The following RBMS3 variants were observed in gnomAD, a reference collection of about 807,000 sequenced individuals.
RBMS3 encodes RNA binding motif single stranded interacting protein 3.
A neutral mutation model predicts 66.8 loss-of-function variants in RBMS3; 27 were observed. The observed-to-expected ratio is 0.40, with a 90% CI of 0.30 to 0.56. RBMS3 has a LOEUF of 0.56. RBMS3 is among the 20% of genes least tolerant of loss of function. The probability of loss-of-function intolerance (pLI) is 0.40; values close to 1 mark genes in which losing one functional copy is unlikely to be tolerated. For missense variants in RBMS3, 513 were observed against 549.5 expected, an observed-to-expected ratio of 0.93 and a Z score of 0.66; for synonymous variants, 188 against 183.0, an observed-to-expected ratio of 1.03 and a Z score of -0.22.
In RBMS3 at chr3:29,847,826, TC is replaced by T. The variant is rs373229024; in HGVS notation, c.638-21031del. 2.7e-3 allele frequency among the ~76,000 whole-genome samples: 417 copies of T among 152,148 alleles called. 1 individual carries two copies. Among genetic ancestry groups the T allele is most frequent in the African/African-American group, 9.6e-3 (399 of 41,514 alleles). ...GCTCGCCGTCACGCCCGGCTAATTT[TC>T]TTGTGTTTTTAGTAGAGACGGGGTG... is the stretch of plus-strand genomic sequence containing the variant. On this transcript the variant is annotated intron_variant, in intron 6 of 14. Transcript: ENST00000383767.
Position 29,868,924 on chromosome 3 carries a change from A to G in RBMS3, c.704A>G (p.Lys235Arg). 6.2e-7 allele frequency: 1 copy of G among 1,603,784 alleles called. No homozygotes were observed. Among genetic ancestry groups the G allele is most frequent in the Admixed American group, 1.7e-5 (1 of 58,876 alleles). Residue 235 changes from lysine to arginine, a missense_variant, in exon 7 of 15, where the codon AAA becomes AGA. Physicochemically the swap from Lys to Arg is conservative, Grantham distance 26. Coordinates refer to ENST00000383767, the MANE Select transcript of RBMS3 (RefSeq NM_001003793.3). ...GGQKKRQNQS[K>R]YTQNGRPWPR... ...CAAAAGAAGCGACAGAATCAAAGCA[A>G]ATATACCCAGAATGGGAGGCCTTGG...
At chr3:29,433,362 G>A (rs530247905) in intron 1 of RBMS3, among the ~76,000 whole-genome samples, 6 of 152,244 alleles carry the variant, frequency 3.9e-5, no homozygotes, top group African/African-American at 1.2e-4. Flanking sequence ...GAATCTTGAT[G>A]AATGTGCTTA....
intron 3 of RBMS3, among the ~76,000 whole-genome samples, chr3:29,502,450 A>G (rs530746496): frequency 6.6e-6 from 1 of 152,172 alleles, no homozygotes; most frequent in African/African-American, 2.4e-5. Context: ...TGACAATTAG[A>G]CACAAGCACA....
chr3:29,994,960 A>T (rs150175959), intron 14 of RBMS3, among the ~76,000 whole-genome samples: 28 of 151,946 alleles, frequency 1.8e-4, no homozygotes, highest in Admixed American at 1.6e-3. Flanking sequence ...AGGCTTCAGA[A>T]GATCAAATTA....
chr3:29,772,915 G>C (rs959802121), intron 6 of RBMS3, among the ~76,000 whole-genome samples: 1 of 151,942 alleles, frequency 6.6e-6, no homozygotes, highest in African/African-American at 2.4e-5. Flanking sequence ...AAGAAGCTTT[G>C]GGAAGTCCTT....
chr3:29,897,797 G>A (rs950698104), intron 9 of RBMS3, among the ~76,000 whole-genome samples: 2 of 151,540 alleles, frequency 1.3e-5, no homozygotes, highest in Non-Finnish European at 3.0e-5. Context: ...GTTTGTTCAT[G>A]TTCCCTATTG....
chr3:29,719,924 C>A (rs1195513167), intron 4 of RBMS3, among the ~76,000 whole-genome samples: 1 of 145,818 alleles, frequency 6.9e-6, no homozygotes, highest in Non-Finnish European at 1.5e-5. Context: ...CATTTTCTTA[C>A]AGATACATTT....
At chr3:29,324,787 T>A (rs2035222335) in intron 1 of RBMS3, among the ~76,000 whole-genome samples, 1 of 152,134 alleles carries the variant, frequency 6.6e-6, no homozygotes, top group Non-Finnish European at 1.5e-5. Context: ...TCTTTCTCTT[T>A]GCTTACCTAG....
intron 4 of RBMS3, among the ~76,000 whole-genome samples, chr3:29,725,862 G>A (rs987971855): frequency 6.6e-6 from 1 of 152,112 alleles, no homozygotes. Context: ...CACCCTATGA[G>A]GCCAGCATCA....
intron 4 of RBMS3, chr3:29,730,840 A>C: frequency 1.0e-6 from 1 of 972,540 alleles, no homozygotes; most frequent in Non-Finnish European, 1.2e-6. Context: ...AAATAAAACT[A>C]TAGAGAGATC....
At chr3:29,994,923 G>A (rs1320613683) in intron 14 of RBMS3, among the ~76,000 whole-genome samples, 1 of 152,240 alleles carries the variant, frequency 6.6e-6, no homozygotes, top group South Asian at 2.1e-4. Context: ...GCTGGATGGA[G>A]AATGACTTTG....
chr3:29,684,760 A>C (rs2051640362), intron 4 of RBMS3, among the ~76,000 whole-genome samples: 1 of 149,288 alleles, frequency 6.7e-6, no homozygotes, highest in Non-Finnish European at 1.5e-5. Context: ...CAAACAGGTA[A>C]AATGTAAGGT....
At chr3:29,687,037 T>A (rs2051762976) in intron 4 of RBMS3, among the ~76,000 whole-genome samples, 1 of 152,218 alleles carries the variant, frequency 6.6e-6, no homozygotes, top group Admixed American at 6.5e-5. Context: ...TTCAGACTAG[T>A]ACTAGGAAAG....
intron 6 of RBMS3, among the ~76,000 whole-genome samples, chr3:29,781,990 C>T (rs2056647764): frequency 6.6e-6 from 1 of 150,914 alleles, no homozygotes; most frequent in South Asian, 2.1e-4. Context: ...TAGTCTCACC[C>T]AAGGAAAGAC....
chr3:29,725,021 TG>T lies in RBMS3; in HGVS notation c.400-14698del, dbSNP rs1250727176. ...GTGAGTGAATGATCAAGAGCAAATATGAAAAAATAAGTGGATGATCCATTTA... is the reference window on the plus strand; with the variant it reads ...GTGAGTGAATGATCAAGAGCAAATATAAAAAATAAGTGGATGATCCATTTA... On this transcript the variant is annotated intron_variant, in intron 4 of 14. Coordinates refer to ENST00000383767, the MANE Select transcript of RBMS3 (RefSeq NM_001003793.3). Among the ~76,000 whole-genome samples, 4 of 152,052 alleles carry T rather than the reference TG, an allele frequency of 2.6e-5. No individual in the cohort carries two copies. The East Asian group carries it at 7.7e-4, about 29-fold the overall frequency.
At chr3:29,946,006 C>T (rs1695278118) in intron 12 of RBMS3, among the ~76,000 whole-genome samples, 1 of 151,698 alleles carries the variant, frequency 6.6e-6, no homozygotes, top group Non-Finnish European at 1.5e-5. Flanking sequence ...TCCTAGGTTC[C>T]CAGCAGTGGA....
Position 29,877,754 on chromosome 3 carries a change from G to A in RBMS3, c.745-6408G>A, listed in dbSNP as rs538868235. On this transcript the variant is annotated intron_variant, in intron 7 of 14. Coordinates refer to ENST00000383767, the MANE Select transcript of RBMS3 (RefSeq NM_001003793.3). ...CCTGACTGTGCCGGAGTTGTTCCCC[G>A]GTAAAATTCTACCACTTGACTCTTA... is the stretch of plus-strand genomic sequence containing the variant. 9.9e-5 allele frequency among the ~76,000 whole-genome samples: 15 copies of A among 152,146 alleles called. No homozygotes were observed. The East Asian group carries it at 1.9e-3, about 20-fold the overall frequency.
intron 6 of RBMS3, among the ~76,000 whole-genome samples, chr3:29,801,326 G>A (rs1210432889): frequency 7.0e-6 from 1 of 143,014 alleles, no homozygotes; most frequent in African/African-American, 2.6e-5. Context: ...GGAATGCAGT[G>A]GTGTGATCTC....
In RBMS3 at chr3:29,930,334, G is replaced by C. The variant is rs754891381; in HGVS notation, c.940-5752G>C. On this transcript the variant is annotated intron_variant, in intron 10 of 14. Coordinates refer to ENST00000383767, the MANE Select transcript of RBMS3 (RefSeq NM_001003793.3). ...TCACCGTGTTAGCCAGGATGGTCTC[G>C]ATCTCCTGACCTCGTGATCCGCCCG... is the stretch of plus-strand genomic sequence containing the variant. Among the ~76,000 whole-genome samples, 3 of 151,334 alleles carry C rather than the reference G, an allele frequency of 2.0e-5. No homozygotes were observed. In the South Asian group the frequency reaches 6.3e-4, roughly 32 times the overall value.
Sources: allele counts gnomAD v4.1 joint callset (sites outside exome capture counted in the v4.1 genomes callset), GRCh38; gene constraint gnomAD v4.1.1; transcripts MANE v1.5; gene names NCBI Gene and HGNC (gene_info 2026-07-23, HGNC 2026-07-21).